The following ZNF33B variants were observed in gnomAD, a reference collection of about 807,000 sequenced individuals.
ZNF33B encodes the protein zinc finger protein 11b (KOX 2).
Under a neutral mutation model 45.8 loss-of-function variants are expected in ZNF33B, and 29 were observed. The ratio of observed to expected loss-of-function variants is 0.63; its 90% confidence interval spans 0.47 to 0.86. ZNF33B has a LOEUF of 0.86. ZNF33B is among the 40% of genes least tolerant of loss of function. The pLI is 0.00. For missense variants in ZNF33B, 831 were observed against 909.9 expected, an observed-to-expected ratio of 0.91 and a Z score of 1.12; for synonymous variants, 305 against 307.8, an observed-to-expected ratio of 0.99 and a Z score of 0.10.
intron 4 of ZNF33B, among the ~76,000 whole-genome samples, chr10:42,629,134 G>A (rs1164698984): frequency 6.6e-6 from 1 of 152,162 alleles, no homozygotes; most frequent in East Asian, 1.9e-4. Context: ...CCATAAAAAA[G>A]AATGAGAGAT....
chr10:42,576,597 T>G (rs993564427), intron 1 of ZNF33B, among the ~76,000 whole-genome samples: 2 of 152,162 alleles, frequency 1.3e-5, no homozygotes, highest in Admixed American at 6.5e-5. Flanking sequence ...CCAGAGCTTT[T>G]CAGATGTTAC....
At chr10:42,625,565 C>T (rs780273909) in intron 4 of ZNF33B, among the ~76,000 whole-genome samples, 2 of 152,112 alleles carry the variant, frequency 1.3e-5, no homozygotes, top group South Asian at 2.1e-4. Context: ...TCACAATCTC[C>T]GCCTCCTGGG....
rs546336655 is a variant in ZNF33B, at chr10:42,617,978, C to CCTA, written c.250+13948_250+13950dup. Among the ~76,000 whole-genome samples, 126 of 152,244 alleles carry CCTA rather than the reference C, an allele frequency of 8.3e-4. 1 individual carries two copies. The Middle Eastern group carries it at 0.024, about 29-fold the overall frequency. ...CTCCATCCTTTTTGTGTGTGCTCAC[C>CCTA]CTACCCCAAATTCCTAATGACAAGC... On this transcript the variant is annotated intron_variant, in intron 4 of 4. Transcript: ENST00000359467.
intron 4 of ZNF33B, among the ~76,000 whole-genome samples, chr10:42,627,663 A>G (rs2132149032): frequency 6.6e-6 from 1 of 152,320 alleles, no homozygotes; most frequent in South Asian, 2.1e-4. Flanking sequence ...ATTTGGCACT[A>G]TAAATTTCTC....
intron 4 of ZNF33B, among the ~76,000 whole-genome samples, chr10:42,623,201 A>AG (rs1469325977): frequency 6.6e-6 from 1 of 152,256 alleles, no homozygotes; most frequent in African/African-American, 2.4e-5. Context: ...CAGGAGGCAG[A>AG]GGCTGTGGTG....
At chr10:42,576,374 A>G (rs1335287700) in intron 1 of ZNF33B, among the ~76,000 whole-genome samples, 1 of 152,190 alleles carries the variant, frequency 6.6e-6, no homozygotes, top group Admixed American at 6.5e-5. Flanking sequence ...AAATATGCAG[A>G]TCTTGTTATT....
At chr10:42,617,680 C>T (rs1838387056) in intron 4 of ZNF33B, among the ~76,000 whole-genome samples, 1 of 152,172 alleles carries the variant, frequency 6.6e-6, no homozygotes, top group African/African-American at 2.4e-5. Flanking sequence ...CAGGATCCCA[C>T]ACATGGTAAC....
intron 3 of ZNF33B, 135 bp downstream of exon 3, chr10:42,632,160 T>C (rs914803044): frequency 2.0e-6 from 3 of 1,474,662 alleles, no homozygotes; most frequent in Non-Finnish European, 1.9e-6. Context: ...AAGTATCTTC[T>C]GGTGCTCAAT....
chr10:42,633,647 T>C (rs115610097), intron 2 of ZNF33B, among the ~76,000 whole-genome samples: 2,586 of 152,258 alleles, frequency 0.017, 78 homozygotes, highest in African/African-American at 0.059. Flanking sequence ...CACGGTATTC[T>C]AGCAAGAAAT....
At chr10:42,598,554 C>T (rs182631791) in intron 4 of ZNF33B, among the ~76,000 whole-genome samples, 6 of 152,282 alleles carry the variant, frequency 3.9e-5, no homozygotes, top group Admixed American at 6.5e-5. Flanking sequence ...ATACAAATCA[C>T]GAGTTCAAAG....
intron 1 of ZNF33B, 66 bp downstream of exon 1, chr10:42,638,408 C>T (rs567800368): frequency 2.8e-6 from 1 of 354,192 alleles, no homozygotes; most frequent in Non-Finnish European, 5.5e-6. Flanking sequence ...CACTGGCCCC[C>T]GGCTGCCTGC....
At chr10:42,631,118 CAT>C (rs1291916847) in intron 4 of ZNF33B, among the ~76,000 whole-genome samples, 3 of 152,170 alleles carry the variant, frequency 2.0e-5, no homozygotes, top group African/African-American at 2.4e-5. Flanking sequence ...TAATTTCTTT[CAT>C]AGTCTTTAAA....
chr10:42,606,142 CAAA>C (rs201620137), intron 4 of ZNF33B, among the ~76,000 whole-genome samples: 1 of 127,922 alleles, frequency 7.8e-6, no homozygotes. Context: ...AATAATAAAG[CAAA>C]AAAAAAAAAA....
intron 4 of ZNF33B, among the ~76,000 whole-genome samples, chr10:42,607,008 C>G (rs926957366): frequency 1.3e-5 from 2 of 152,040 alleles, no homozygotes; most frequent in African/African-American, 2.4e-5. Context: ...GCATGTTGAG[C>G]ATGTTGGCAC....
Position 42,593,039 on chromosome 10 carries a change from A to G in ZNF33B, c.1911T>C (p.Tyr637=). The change falls in exon 5 of 5, where the codon TAT becomes TAC. Residue 637 remains tyrosine (Y), a synonymous_variant. Coordinates refer to ENST00000359467, the MANE Select transcript of ZNF33B (RefSeq NM_006955.3). The part of the protein sequence containing the change: ...HQRIHIGEKP[Y]ECNECGKAFC... ...AAGCTTTTCCACACTCATTACATTC[A>G]TAGGGTTTCTCCCCTATGTGAATTC... The G allele has an allele frequency of 1.2e-6, 2 of 1,614,086 alleles. No individual in the cohort carries two copies. Among genetic ancestry groups the G allele is most frequent in the Non-Finnish European group, 1.7e-6 (2 of 1,179,986 alleles).
At chr10:42,625,061 T>TAC (rs1200413760) in intron 4 of ZNF33B, among the ~76,000 whole-genome samples, 1 of 147,648 alleles carries the variant, frequency 6.8e-6, no homozygotes, top group African/African-American at 2.5e-5. Flanking sequence ...TATATATATA[T>TAC]GGTTCCTTTG....
intron 4 of ZNF33B, 27 bp from the exon 5 acceptor site, chr10:42,594,726 C>T: frequency 2.0e-6 from 3 of 1,522,958 alleles, no homozygotes; most frequent in Non-Finnish European, 2.6e-6. Context: ...TTAATCTTAC[C>T]ATATAAATAC....
downstream of ZNF33B, among the ~76,000 whole-genome samples, chr10:42,586,150 A>AT (rs67457246): frequency 0.63 from 76,413 of 120,958 alleles, 26,337 homozygotes; most frequent in East Asian, 0.77. Flanking sequence ...TTTTCCTCAG[A>AT]TTTTTTTTTT....
chr10:42,591,208 C>T lies in ZNF33B; in HGVS notation c.*1405G>A. On this transcript the variant is annotated 3_prime_UTR_variant, in exon 5 of 5. Coordinates refer to ENST00000359467, the MANE Select transcript of ZNF33B (RefSeq NM_006955.3). ...AATGAGCAATGAAATGACAGTCCAA[C>T]AGCCCTGGGCAGCAACTGGGCTGTA... 1 of 843,696 alleles carries T rather than the reference C, an allele frequency of 1.2e-6. No homozygotes were observed. The highest frequency in any genetic ancestry group is 1.4e-6 in the Non-Finnish European group (1 of 701,294). 52.3% of individuals were successfully genotyped at this position (843,696 alleles called of 1,614,324 possible). A position where few individuals can be genotyped will look rare whatever the true frequency, so the allele number is the denominator to read the frequency against.
Sources: allele counts gnomAD v4.1 joint callset (sites outside exome capture counted in the v4.1 genomes callset), GRCh38; gene constraint gnomAD v4.1.1; transcripts MANE v1.5; gene names NCBI Gene and HGNC (gene_info 2026-07-23, HGNC 2026-07-21).